YES1: variants seen among roughly 807,000 people sequenced by gnomAD.
YES1 encodes the protein YES proto-oncogene 1, Src family tyrosine kinase.
A neutral mutation model predicts 70.4 loss-of-function variants in YES1; 39 were observed. That is an observed-to-expected ratio of 0.55 (90% confidence interval 0.43 to 0.72). The LOEUF is 0.72. Ranked by LOEUF, YES1 falls within the 30% of genes least tolerant of loss-of-function variation. The probability of loss-of-function intolerance (pLI) is 0.00; values close to 1 mark genes in which losing one functional copy is unlikely to be tolerated. For synonymous variants in YES1, 198 were observed against 218.6 expected, an observed-to-expected ratio of 0.91 and a Z score of 0.83; for missense variants, 495 against 644.8, an observed-to-expected ratio of 0.77 and a Z score of 2.52.
At chr18:793,487 C>T (rs985324900) in intron 1 of YES1, among the ~76,000 whole-genome samples, 7 of 152,148 alleles carry the variant, frequency 4.6e-5, no homozygotes, top group African/African-American at 1.7e-4. Flanking sequence ...CAGGCATCTG[C>T]CACTACACCC....
rs575926678 is a variant in YES1 at position 735,663 on chromosome 18, G to A, written c.1291+1145C>T. On this transcript the variant is annotated intron_variant, in intron 10 of 11. Coordinates refer to ENST00000314574, the MANE Select transcript of YES1 (RefSeq NM_005433.4). The stretch of plus-strand genomic sequence containing the variant: ...TGGGAGGCGGAAGTTGCAGTGAGCC[G>A]AGATCGTGCCGCTACACTCCAGCCT... 5.8e-3 allele frequency: 879 copies of A among 152,372 alleles called. 6 individuals are homozygous for A. The highest frequency in any genetic ancestry group is 8.0e-3 in the Non-Finnish European group (542 of 68,168). The allele number at this position is 152,372 out of a possible 1,614,324, so 9.4% of individuals were successfully genotyped here. A position where few individuals can be genotyped will look rare whatever the true frequency, so the allele number is the denominator to read the frequency against.
At chr18:801,222 A>G (rs542774788) in intron 1 of YES1, among the ~76,000 whole-genome samples, 2 of 152,290 alleles carry the variant, frequency 1.3e-5, no homozygotes, top group Admixed American at 6.5e-5. Flanking sequence ...GGTCGCAGCT[A>G]CTGGGGAGGC....
chr18:811,413 A>G (rs767395118), intron 1 of YES1, among the ~76,000 whole-genome samples: 6 of 152,180 alleles, frequency 3.9e-5, no homozygotes, highest in Non-Finnish European at 8.8e-5. Flanking sequence ...GCTCTGCCCC[A>G]TGCCCAATAA....
chr18:750,520 G>A (rs1445637239), intron 3 of YES1, among the ~76,000 whole-genome samples: 1 of 152,168 alleles, frequency 6.6e-6, no homozygotes, highest in Non-Finnish European at 1.5e-5. Context: ...CCCCAACTGT[G>A]ACAACCAAAA....
At chr18:770,866 G>A (rs1905120154) in intron 1 of YES1, among the ~76,000 whole-genome samples, 1 of 152,116 alleles carries the variant, frequency 6.6e-6, no homozygotes, top group African/African-American at 2.4e-5. Context: ...CTGAAAAGTT[G>A]CCAGAGTGGT....
intron 10 of YES1, among the ~76,000 whole-genome samples, chr18:735,017 C>T (rs2080136056): frequency 1.3e-5 from 2 of 151,854 alleles, no homozygotes; most frequent in Non-Finnish European, 1.5e-5. Context: ...ATTAGCCGGG[C>T]CTGGTGGCAG....
At chr18:783,736 C>G (rs938956874) in intron 1 of YES1, among the ~76,000 whole-genome samples, 6 of 152,062 alleles carry the variant, frequency 3.9e-5, no homozygotes, top group Non-Finnish European at 8.8e-5. Context: ...CTGCTTCAGC[C>G]ACCCAAGTAG....
chr18:751,408 T>C (rs1207556968), intron 3 of YES1, among the ~76,000 whole-genome samples: 2 of 150,746 alleles, frequency 1.3e-5, no homozygotes, highest in Non-Finnish European at 1.5e-5. Context: ...TCAAACTCTC[T>C]TTATAAAGTT....
At chr18:804,462 A>C (rs1462830339) in intron 1 of YES1, among the ~76,000 whole-genome samples, 2 of 151,856 alleles carry the variant, frequency 1.3e-5, no homozygotes, top group Admixed American at 6.6e-5. Context: ...TAAGAAAATT[A>C]GCTGGGTGTG....
intron 1 of YES1, among the ~76,000 whole-genome samples, chr18:757,382 A>C (rs1253390538): frequency 6.6e-6 from 1 of 152,006 alleles, no homozygotes; most frequent in East Asian, 1.9e-4. Flanking sequence ...GGGCGCCTGT[A>C]GTCCCAGCTA....
chr18:789,777 T>C (rs1906146800), intron 1 of YES1, among the ~76,000 whole-genome samples: 2 of 150,086 alleles, frequency 1.3e-5, no homozygotes, highest in African/African-American at 4.9e-5. Flanking sequence ...AAAAAAAAAA[T>C]GGCCAGGCAC....
At chr18:787,336 T>C (rs1906014310) in intron 1 of YES1, among the ~76,000 whole-genome samples, 1 of 150,808 alleles carries the variant, frequency 6.6e-6, no homozygotes, top group Admixed American at 6.6e-5. Flanking sequence ...TGACCTCAGG[T>C]GGTCCGCCCG....
chr18:798,497 G>A (rs1906653920), intron 1 of YES1, among the ~76,000 whole-genome samples: 1 of 152,168 alleles, frequency 6.6e-6, no homozygotes, highest in African/African-American at 2.4e-5. Context: ...CCAAGTTGGA[G>A]TGACTGATGG....
intron 1 of YES1, among the ~76,000 whole-genome samples, chr18:793,487 C>A (rs985324900): frequency 6.6e-6 from 1 of 152,030 alleles, no homozygotes; most frequent in Non-Finnish European, 1.5e-5. Context: ...CAGGCATCTG[C>A]CACTACACCC....
In YES1 at chr18:743,382, G is replaced by A. The variant is rs1446280630; in HGVS notation, c.758C>T (p.Thr253Ile). 2 of 1,612,888 alleles carry A rather than the reference G, an allele frequency of 1.2e-6. No individual in the cohort carries two copies. The highest frequency in any genetic ancestry group is 3.3e-5 in the Admixed American group (2 of 59,994). Residue 253 changes from threonine (T) to isoleucine (I), a missense_variant, in exon 7 of 12, where the codon ACT becomes ATT. Physicochemically the swap from Thr to Ile is moderately conservative, Grantham distance 89 (BLOSUM62 -1). Around this residue, in one of 2 missense-constraint regions of YES1, gnomAD observed 385 missense variants for 540.9 expected, o/e 0.71. Transcript: ENST00000314574. ...CTGAGGTTTCACAGTTGGACACACA[G>A]TTGTCAACTTGTGGCATAAACCATC... ...HADGLCHKLT[T>I]VCPTVKPQTQ...
At chr18:737,010 G>A (rs1322991424) in intron 9 of YES1, 49 bp from the exon 10 acceptor site, 3 of 1,464,824 alleles carry the variant, frequency 2.0e-6, no homozygotes, top group Non-Finnish European at 2.8e-6. Context: ...ACAAAGGGAA[G>A]CAGAGAGAAG....
At chr18:748,129 T>A (rs937415588) in intron 3 of YES1, 111 bp from the exon 4 acceptor site, 10 of 757,176 alleles carry the variant, frequency 1.3e-5, no homozygotes, top group Middle Eastern at 2.4e-4. Context: ...TTTCATTTTT[T>A]ATTTATGCAT....
chr18:765,492 C>T lies in YES1; in HGVS notation c.-8-8657G>A, dbSNP rs1347041234. 9.3e-5 allele frequency among the ~76,000 whole-genome samples: 14 copies of T among 150,702 alleles called. No homozygotes were observed. In the East Asian group the frequency reaches 2.4e-3, roughly 25 times the overall value. On this transcript the variant is annotated intron_variant, in intron 1 of 11. Transcript: ENST00000314574. ...TGGCTCAGTGCAACCTCCCGCTCCCCGGTTCAAGCGATTCTCCTGCCTCAC... is the reference window on the plus strand; with the variant it reads ...TGGCTCAGTGCAACCTCCCGCTCCCTGGTTCAAGCGATTCTCCTGCCTCAC...
intron 1 of YES1, among the ~76,000 whole-genome samples, chr18:781,369 T>C (rs1262713236): frequency 6.6e-6 from 1 of 152,156 alleles, no homozygotes; most frequent in Non-Finnish European, 1.5e-5. Flanking sequence ...CATACTGTTT[T>C]CATAAACGCT....
Sources: gnomAD v4.1 joint callset for allele counts (sites outside exome capture counted in the v4.1 genomes callset) on GRCh38, gnomAD v4.1.1 for gene constraint, gnomAD v4.1.1 regional missense constraint, MANE v1.5 for transcripts, NCBI Gene and HGNC (gene_info 2026-07-23, HGNC 2026-07-21) for gene names.